Variants in INPP4A observed in about 807,000 individuals in gnomAD.
INPP4A encodes the protein inositol polyphosphate-4-phosphatase type I A.
INPP4A carries 33 observed loss-of-function variants against 119.8 expected under a neutral mutation model. That is an observed-to-expected ratio of 0.28 (90% CI 0.21 to 0.37). The LOEUF (loss-of-function observed/expected upper bound fraction) is 0.37. Among genes scored for constraint, INPP4A ranks in the 10% least tolerant of loss-of-function variants. INPP4A has a pLI of 1.00. For synonymous variants in INPP4A, 496 were observed against 500.7 expected, an observed-to-expected ratio of 0.99 and a Z score of 0.12; for missense variants, 956 against 1,289.9, an observed-to-expected ratio of 0.74 and a Z score of 3.97.
At chr2:98,450,643 C>T (rs888650176) in intron 1 of INPP4A, among the ~76,000 whole-genome samples, 2 of 152,176 alleles carry the variant, frequency 1.3e-5, no homozygotes, top group Non-Finnish European at 2.9e-5. Flanking sequence ...AACATTTAAT[C>T]CTGGTGCCTA....
chr2:98,581,617 G>T (rs1464679430), intron 24 of INPP4A: 1 of 1,565,858 alleles, frequency 6.4e-7, no homozygotes, highest in Non-Finnish European at 8.7e-7. Context: ...AACTTGAGCG[G>T]CCTGGTGCCC....
chr2:98,452,208 C>T (rs1226722427), intron 1 of INPP4A, among the ~76,000 whole-genome samples: 1 of 152,182 alleles, frequency 6.6e-6, no homozygotes, highest in Non-Finnish European at 1.5e-5. Context: ...CAAAGGGTCA[C>T]GTGGCCTTCC....
intron 1 of INPP4A, among the ~76,000 whole-genome samples, chr2:98,512,473 T>C (rs193260815): frequency 1.2e-3 from 182 of 152,338 alleles, no homozygotes; most frequent in African/African-American, 3.8e-3. Context: ...AAGCAACTTA[T>C]TTCTTACAGT....
intron 17 of INPP4A, 40 bp downstream of exon 17, chr2:98,559,535 T>G: frequency 6.3e-7 from 1 of 1,595,844 alleles, no homozygotes; most frequent in Non-Finnish European, 8.6e-7. Flanking sequence ...GATGCCCTTT[T>G]AATTGATACT....
intron 1 of INPP4A, among the ~76,000 whole-genome samples, chr2:98,491,597 A>G (rs1680789438): frequency 1.3e-5 from 2 of 152,208 alleles, no homozygotes; most frequent in South Asian, 4.1e-4. Context: ...TGCGTTTAAT[A>G]AGATCTGCAG....
chr2:98,457,507 C>G (rs764374928), intron 1 of INPP4A, among the ~76,000 whole-genome samples: 11 of 152,220 alleles, frequency 7.2e-5, no homozygotes, highest in Non-Finnish European at 1.5e-4. Context: ...TGTTTCATAT[C>G]ATAGGTTGGC....
At chr2:98,550,239 AGGGAGGGGATGGAGCG>A (rs1161334572) in intron 13 of INPP4A, among the ~76,000 whole-genome samples, 1 of 151,996 alleles carries the variant, frequency 6.6e-6, no homozygotes, top group Non-Finnish European at 1.5e-5. Context: ...TCCCTGAAGC[AGGGAGGGGATGGAGCG>A]GGGAGGGTTA....
chr2:98,538,874 T>C lies in INPP4A; in HGVS notation c.580-17T>C. Reference sequence around the variant, plus strand: ...GAATCTCACAGTTTTCTTGTGCATTTCCTTATACATTATCAGATGGTTCTT... The same window carrying C: ...GAATCTCACAGTTTTCTTGTGCATTCCCTTATACATTATCAGATGGTTCTT... On this transcript the variant is annotated splice_polypyrimidine_tract_variant and intron_variant, in intron 8 of 24. Transcript: ENST00000409851. 1 of 1,519,016 alleles carries C rather than the reference T, an allele frequency of 6.6e-7. No homozygotes were observed. The highest frequency in any genetic ancestry group is 1.7e-4 in the Middle Eastern group (1 of 5,908). 94.1% of individuals were successfully genotyped at this position (1,519,016 alleles called of 1,614,324 possible).
chr2:98,526,224 C>G (rs1337237818), intron 4 of INPP4A, among the ~76,000 whole-genome samples: 3 of 152,122 alleles, frequency 2.0e-5, no homozygotes, highest in African/African-American at 7.2e-5. Context: ...AAAATGCTTG[C>G]AAAACTAGGA....
chr2:98,583,010 G>A (rs1249015970), intron 24 of INPP4A, among the ~76,000 whole-genome samples: 1 of 145,716 alleles, frequency 6.9e-6, no homozygotes, highest in Non-Finnish European at 1.5e-5. Flanking sequence ...TACTGCATAC[G>A]CCAGACACAG....
At chr2:98,564,118 A>T (rs991589150) in intron 18 of INPP4A, among the ~76,000 whole-genome samples, 8 of 152,148 alleles carry the variant, frequency 5.3e-5, no homozygotes, top group Non-Finnish European at 1.2e-4. Context: ...AGTTGCCAGT[A>T]ATCAAATTAG....
intron 1 of INPP4A, among the ~76,000 whole-genome samples, chr2:98,497,570 A>T (rs563873310): frequency 6.6e-6 from 1 of 152,156 alleles, no homozygotes; most frequent in Non-Finnish European, 1.5e-5. Context: ...GTCTATTCAG[A>T]TCTTTTGCCC....
chr2:98,520,863 G>A, intron 4 of INPP4A, 132 bp downstream of exon 4: 4 of 583,482 alleles, frequency 6.9e-6, no homozygotes, highest in Middle Eastern at 3.3e-4. Flanking sequence ...CAGCGTTTCT[G>A]AGAAGACGGA....
intron 14 of INPP4A, 123 bp downstream of exon 14, chr2:98,553,092 G>A: frequency 1.3e-6 from 1 of 774,842 alleles, no homozygotes; most frequent in African/African-American, 1.7e-5. Flanking sequence ...GACTTTGAAG[G>A]TCTACCTTAG....
intron 1 of INPP4A, among the ~76,000 whole-genome samples, chr2:98,466,106 C>T (rs112907291): frequency 0.013 from 2,053 of 152,302 alleles, 19 homozygotes; most frequent in Non-Finnish European, 0.021. Flanking sequence ...AATGCAGTGG[C>T]GTGATCTCTG....
At chr2:98,491,313 C>T (rs1026406480) in intron 1 of INPP4A, among the ~76,000 whole-genome samples, 2 of 152,234 alleles carry the variant, frequency 1.3e-5, no homozygotes, top group African/African-American at 4.8e-5. Flanking sequence ...AGCAGCCATC[C>T]TGGACGCAGC....
rs1489983499 is a variant in INPP4A at position 98,592,578 on chromosome 2, A to G, written c.*4970A>G. 1.3e-5 allele frequency: 2 copies of G among 152,262 alleles called. No individual in the cohort carries two copies. Among genetic ancestry groups the G allele is most frequent in the Admixed American group, 6.5e-5 (1 of 15,292 alleles). The allele number at this position is 152,262 out of a possible 1,614,324, so 9.4% of individuals were successfully genotyped here. The stretch of plus-strand genomic sequence containing the variant: ...ATTTGAAATCAGGAAGACAGAAAAA[A>G]AAGCAAAATAGCATCCTTTTCTGAG... On this transcript the variant is annotated 3_prime_UTR_variant, in exon 25 of 25. Transcript: ENST00000409851.
intron 1 of INPP4A, among the ~76,000 whole-genome samples, chr2:98,463,101 G>A (rs535469865): frequency 2.0e-5 from 3 of 152,154 alleles, no homozygotes; most frequent in African/African-American, 7.2e-5. Flanking sequence ...CTCGGCCTCC[G>A]AAAGTGCTGG....
At chr2:98,485,314 C>G (rs1679314247) in intron 1 of INPP4A, among the ~76,000 whole-genome samples, 1 of 152,300 alleles carries the variant, frequency 6.6e-6, no homozygotes, top group East Asian at 1.9e-4. Context: ...GTCTAAGATT[C>G]AGGTGAAAAG....
Sources: gnomAD v4.1 joint callset for allele counts (sites outside exome capture counted in the v4.1 genomes callset) on GRCh38, gnomAD v4.1.1 for gene constraint, MANE v1.5 for transcripts, NCBI Gene and HGNC (gene_info 2026-07-23, HGNC 2026-07-21) for gene names.